The following DAB1 variants were observed in gnomAD, a reference collection of about 807,000 sequenced individuals.
DAB1 encodes the protein DAB adaptor protein 1.
A neutral mutation model predicts 64.6 loss-of-function variants in DAB1; 15 were observed. That is an observed-to-expected ratio of 0.23 (90% confidence interval 0.16 to 0.36). The LOEUF is 0.36. Among genes scored for constraint, DAB1 ranks in the 10% least tolerant of loss-of-function variants. DAB1 has a pLI of 1.00. For synonymous variants in DAB1, 235 were observed against 251.9 expected, an observed-to-expected ratio of 0.93 and a Z score of 0.64; for missense variants, 596 against 706.7, an observed-to-expected ratio of 0.84 and a Z score of 1.78.
At chr1:57,318,934 C>T (rs1675450505) in intron 1 of DAB1, among the ~76,000 whole-genome samples, 1 of 152,094 alleles carries the variant, frequency 6.6e-6, no homozygotes, top group South Asian at 2.1e-4. Flanking sequence ...ATATGGTCTT[C>T]CATCAACAAC....
intron 7 of DAB1, among the ~76,000 whole-genome samples, chr1:57,546,087 G>C (rs1293436774): frequency 6.6e-6 from 1 of 151,544 alleles, no homozygotes; most frequent in African/African-American, 2.4e-5. Flanking sequence ...GTGTGTGTGT[G>C]TGTGTGTGTG....
intron 7 of DAB1, among the ~76,000 whole-genome samples, chr1:57,458,584 T>C (rs1686679581): frequency 6.6e-6 from 1 of 152,104 alleles, no homozygotes; most frequent in Admixed American, 6.6e-5. Context: ...GTATTTACTC[T>C]TGCATTCTAG....
At chr1:58,121,629 T>C (rs375654614) in intron 5 of DAB1, among the ~76,000 whole-genome samples, 1 of 152,160 alleles carries the variant, frequency 6.6e-6, no homozygotes, top group African/African-American at 2.4e-5. Context: ...TCATGAATGA[T>C]AGCCAATACT....
intron 2 of DAB1, among the ~76,000 whole-genome samples, chr1:57,261,886 T>C (rs1351423639): frequency 6.6e-6 from 1 of 152,234 alleles, no homozygotes; most frequent in East Asian, 1.9e-4. Flanking sequence ...TGCTATTATG[T>C]ATGGAAGACA....
intron 7 of DAB1, among the ~76,000 whole-genome samples, chr1:57,623,242 G>A (rs898841426): frequency 2.0e-5 from 3 of 152,202 alleles, no homozygotes; most frequent in South Asian, 2.1e-4. Flanking sequence ...ATCTTCCCAC[G>A]GAAGGAGTGG....
chr1:57,215,171 G>A (rs903129740), intron 2 of DAB1, among the ~76,000 whole-genome samples: 2 of 152,092 alleles, frequency 1.3e-5, no homozygotes, highest in African/African-American at 4.8e-5. Context: ...GTTTGATCCT[G>A]AGCTGCAATC....
upstream of DAB1, among the ~76,000 whole-genome samples, chr1:57,887,530 T>C (rs1462705393): frequency 6.6e-6 from 1 of 152,148 alleles, no homozygotes; most frequent in African/African-American, 2.4e-5. Flanking sequence ...TAAAAATAGA[T>C]GGGAGAGTTA....
intron 4 of DAB1, among the ~76,000 whole-genome samples, chr1:58,231,315 T>A (rs112988955): frequency 0.033 from 5,075 of 152,314 alleles, 114 homozygotes; most frequent in Non-Finnish European, 0.053. Context: ...TTAAGCTTAT[T>A]ACCCAAACAT....
chr1:57,695,354 A>AAGGAAGGAAGGAAAG, intron 6 of DAB1, among the ~76,000 whole-genome samples: 2 of 20,620 alleles, frequency 9.7e-5, no homozygotes, highest in Non-Finnish European at 2.4e-4. Context: ...GAAAGAAAGA[A>AAGGAAGGAAGGAAAG]AAGAAAGAAG....
At chr1:58,051,042 G>A (rs1008070241) in intron 5 of DAB1, among the ~76,000 whole-genome samples, 1 of 152,018 alleles carries the variant, frequency 6.6e-6, no homozygotes, top group Non-Finnish European at 1.5e-5. Context: ...TTTATAAAGA[G>A]AAGAAATTTT....
At chr1:58,030,819 A>G (rs1319840669) in intron 5 of DAB1, among the ~76,000 whole-genome samples, 2 of 152,188 alleles carry the variant, frequency 1.3e-5, no homozygotes, top group African/African-American at 4.8e-5. Context: ...CATACATACA[A>G]TCATTCAAAA....
Position 57,369,235 on chromosome 1 carries a change from T to C in DAB1, c.-137+54695A>G, listed in dbSNP as rs116439842. 5.3e-3 allele frequency among the ~76,000 whole-genome samples: 808 copies of C among 152,236 alleles called. 11 individuals are homozygous for C. The highest frequency in any genetic ancestry group is 0.019 in the African/African-American group (794 of 41,540). On this transcript the variant is annotated intron_variant, in intron 1 of 14. Coordinates refer to ENST00000371236, the MANE Select transcript of DAB1 (RefSeq NM_001365792.1). ...AGGATTCATCACAGTGGCTAGGACA[T>C]AGCAAGAGTTTAATCAATGAGAGTA...
At chr1:57,281,431 G>A (rs187256250) in intron 2 of DAB1, among the ~76,000 whole-genome samples, 16 of 152,272 alleles carry the variant, frequency 1.1e-4, no homozygotes, top group Admixed American at 4.6e-4. Flanking sequence ...GAAAAAACAT[G>A]TACAAAACCC....
chr1:57,152,696 CGAT>C (rs1158608350), intron 2 of DAB1, among the ~76,000 whole-genome samples: 1 of 152,122 alleles, frequency 6.6e-6, no homozygotes, highest in Non-Finnish European at 1.5e-5. Context: ...TAATTGTATA[CGAT>C]GATATTTATG....
At chr1:57,172,637 G>T (rs1661893357) in intron 2 of DAB1, among the ~76,000 whole-genome samples, 1 of 152,130 alleles carries the variant, frequency 6.6e-6, no homozygotes, top group South Asian at 2.1e-4. Flanking sequence ...GGGCCAGCGT[G>T]TTCAGAGATC....
chr1:57,588,901 T>G (rs1645410723), intron 7 of DAB1, among the ~76,000 whole-genome samples: 1 of 152,232 alleles, frequency 6.6e-6, no homozygotes. Flanking sequence ...ACCTTATATC[T>G]TACCCCTAAA....
intron 2 of DAB1, among the ~76,000 whole-genome samples, chr1:58,508,525 C>T (rs759890061): frequency 6.6e-6 from 1 of 152,158 alleles, no homozygotes; most frequent in Admixed American, 6.6e-5. Flanking sequence ...CCATAATCTG[C>T]GAGAGCAATT....
chr1:57,701,278 A>C (rs537424541), intron 6 of DAB1, among the ~76,000 whole-genome samples: 1 of 152,246 alleles, frequency 6.6e-6, no homozygotes, highest in South Asian at 2.1e-4. Context: ...AGCACTAGTC[A>C]CAATAGCAAA....
chr1:58,374,393 C>T (rs1204496172), intron 3 of DAB1, among the ~76,000 whole-genome samples: 9 of 141,846 alleles, frequency 6.3e-5, no homozygotes, highest in African/African-American at 2.1e-4. Context: ...CAGCTTTCTA[C>T]ATATGGCTAG....
Sources: gnomAD v4.1 joint callset for allele counts (sites outside exome capture counted in the v4.1 genomes callset) on GRCh38, gnomAD v4.1.1 for gene constraint, MANE v1.5 for transcripts, NCBI Gene and HGNC (gene_info 2026-07-23, HGNC 2026-07-21) for gene names.